MOSPD1: variants seen among roughly 807,000 people sequenced by gnomAD.
The protein encoded by MOSPD1 is motile sperm domain-containing protein 1.
A neutral mutation model predicts 16.7 loss-of-function variants in MOSPD1; 5 were observed. That is an observed-to-expected ratio of 0.30 (90% CI 0.16 to 0.63). The LOEUF is 0.63. Among genes scored for constraint, MOSPD1 ranks in the 30% least tolerant of loss-of-function variants. The pLI, the probability that MOSPD1 is intolerant of heterozygous loss-of-function variation, is 0.82. For synonymous variants in MOSPD1, 67 were observed against 59.2 expected, an observed-to-expected ratio of 1.13 and a Z score of -0.61; for missense variants, 104 against 153.6, an observed-to-expected ratio of 0.68 and a Z score of 1.71.
intron 1 of MOSPD1, among the ~76,000 whole-genome samples, chrX:134,912,936 C>CA (rs746535932): frequency 2.8e-3 from 183 of 65,491 alleles, no homozygotes; most frequent in Admixed American, 4.2e-3. Flanking sequence ...GACTCTGTCT[C>CA]AAAAAAAAAA....
At chrX:134,912,644 C>CA (rs199964723) in intron 1 of MOSPD1, among the ~76,000 whole-genome samples, 17,457 of 101,138 alleles carry the variant, frequency 0.17, 1,416 homozygotes, top group East Asian at 0.27. Context: ...TTCAGCTAAT[C>CA]AAAAAAAAAA....
chrX:134,895,483 T>C (rs1439314414), intron 4 of MOSPD1, among the ~76,000 whole-genome samples: 1 of 111,902 alleles, frequency 8.9e-6, no homozygotes, highest in East Asian at 2.8e-4. Flanking sequence ...CTCCTTATTA[T>C]TCTTGGTTAT....
intron 5 of MOSPD1, among the ~76,000 whole-genome samples, chrX:134,891,151 T>A (rs2082861258): frequency 9.0e-6 from 1 of 111,545 alleles, no homozygotes; most frequent in African/African-American, 3.3e-5. Flanking sequence ...TATCACTGTA[T>A]GTACTTTGTC....
intron 1 of MOSPD1, among the ~76,000 whole-genome samples, chrX:134,906,399 T>G (rs960506155): frequency 9.3e-6 from 1 of 107,895 alleles, no homozygotes; most frequent in South Asian, 4.2e-4. Flanking sequence ...CTGGCCAGGC[T>G]GGTCTTGAAC....
chrX:134,898,915 A>G, intron 3 of MOSPD1, 175 bp downstream of exon 3: 1 of 412,983 alleles, frequency 2.4e-6, no homozygotes, highest in Non-Finnish European at 4.3e-6. Flanking sequence ...AATATTATTA[A>G]GTATTTGGCC....
At chrX:134,913,143 G>T (rs1259265657) in intron 1 of MOSPD1, among the ~76,000 whole-genome samples, 1 of 110,839 alleles carries the variant, frequency 9.0e-6, no homozygotes, top group Non-Finnish European at 1.9e-5. Context: ...GGAGACCGAG[G>T]GGGGGCAGAT....
At chrX:134,904,775 T>C (rs1313851687) in intron 1 of MOSPD1, among the ~76,000 whole-genome samples, 1 of 107,218 alleles carries the variant, frequency 9.3e-6, no homozygotes, top group African/African-American at 3.4e-5. Context: ...GGCAGGAGAA[T>C]CACTTGAACC....
Position 134,891,639 on chromosome X carries a change from T to G in MOSPD1, c.450A>C (p.Glu150Asp). Residue 150 changes from glutamate to aspartate, a missense_variant and splice_region_variant, in exon 5 of 6, where the codon GAA (glutamate) becomes GAC (aspartate). This residue lies in a region of MOSPD1 where 68 missense variants were observed against 73.1 expected (regional missense o/e 0.93). Transcript: ENST00000370783. ...TAGGTCCTGAGGATACAGCTCTGTT[T>G]TCTGTAAAAAGACAAAAATCCCTAA... ...SLFFEQSFQP[E>D]NRAVSSGPSL... 8.3e-7 allele frequency: 1 copy of G among 1,203,996 alleles called. No homozygotes were observed. The highest frequency in any genetic ancestry group is 1.1e-6 in the Non-Finnish European group (1 of 893,561).
At chrX:134,908,316 AAC>A (rs980533032) in intron 1 of MOSPD1, among the ~76,000 whole-genome samples, 1 of 111,831 alleles carries the variant, frequency 8.9e-6, no homozygotes, top group African/African-American at 3.3e-5. Context: ...GTCATAGCTG[AAC>A]ACACTTTGTC....
chrX:134,898,118 A>T (rs1180948887), intron 3 of MOSPD1, among the ~76,000 whole-genome samples: 2 of 110,561 alleles, frequency 1.8e-5, no homozygotes, highest in African/African-American at 6.6e-5. Context: ...ACCTCAGGTG[A>T]TCCTCCCACC....
rs774805862 is a variant in MOSPD1 at position 134,888,488 on chromosome X, A to G, written c.*673T>C. The G allele has an allele frequency of 3.2e-4, 36 of 111,425 alleles. No homozygotes were observed. Among genetic ancestry groups the G allele is most frequent in the African/African-American group, 1.2e-3 (36 of 30,604 alleles). The allele number at this position is 111,425 out of a possible 1,213,427, so 9.2% of individuals were successfully genotyped here. ...CCTTCCTTTAGAACTCTTAGACCAAAGAGAGAGGTCACCCTACTTCTATTA... is the reference window on the plus strand; with the variant it reads ...CCTTCCTTTAGAACTCTTAGACCAAGGAGAGAGGTCACCCTACTTCTATTA... On this transcript the variant is annotated 3_prime_UTR_variant, in exon 6 of 6. Coordinates refer to ENST00000370783, the MANE Select transcript of MOSPD1 (RefSeq NM_019556.3).
At chrX:134,907,435 G>A (rs1336727327) in intron 1 of MOSPD1, among the ~76,000 whole-genome samples, 7 of 112,053 alleles carry the variant, frequency 6.2e-5, no homozygotes, top group African/African-American at 2.3e-4. Flanking sequence ...TTACTGAGTG[G>A]CACACACTAT....
At chrX:134,894,986 T>A (rs1247704127) in intron 4 of MOSPD1, among the ~76,000 whole-genome samples, 1 of 112,325 alleles carries the variant, frequency 8.9e-6, no homozygotes, top group Non-Finnish European at 1.9e-5. Context: ...GCATCACCTA[T>A]CCTCATTCAT....
At chrX:134,901,964 C>T (rs1282769682) in intron 1 of MOSPD1, among the ~76,000 whole-genome samples, 1 of 111,916 alleles carries the variant, frequency 8.9e-6, no homozygotes, top group Non-Finnish European at 1.9e-5. Context: ...AGATTATAAA[C>T]TTTTTAATAA....
intron 5 of MOSPD1, among the ~76,000 whole-genome samples, chrX:134,890,804 G>A (rs1485307641): frequency 1.8e-5 from 2 of 110,978 alleles, no homozygotes; most frequent in South Asian, 3.8e-4. Context: ...GCGAAATTCC[G>A]TCTCTAAATA....
At chrX:134,906,174 C>CTTTTTTTTATTTTT in intron 1 of MOSPD1, among the ~76,000 whole-genome samples, 1 of 56,658 alleles carries the variant, frequency 1.8e-5, no homozygotes. Context: ...CCATTTATCA[C>CTTTTTTTTATTTTT]TTTTTTTTTT....
At chrX:134,903,099 C>T (rs2082920725) in intron 1 of MOSPD1, among the ~76,000 whole-genome samples, 1 of 108,857 alleles carries the variant, frequency 9.2e-6, no homozygotes, top group African/African-American at 3.3e-5. Context: ...AAATTATATG[C>T]ACCATCTCAT....
intron 1 of MOSPD1, among the ~76,000 whole-genome samples, chrX:134,910,317 A>G (rs2082964514): frequency 9.0e-6 from 1 of 110,775 alleles, no homozygotes; most frequent in Non-Finnish European, 1.9e-5. Flanking sequence ...AGGCAAGAGA[A>G]TCACTTGAGC....
intron 3 of MOSPD1, among the ~76,000 whole-genome samples, chrX:134,897,567 A>G (rs1167431224): frequency 2.5e-4 from 19 of 74,730 alleles, no homozygotes; most frequent in African/African-American, 1.1e-3. Context: ...AAAAAAAAAA[A>G]AGAAAGAAAA....
Sources: gnomAD v4.1 joint callset for allele counts (sites outside exome capture counted in the v4.1 genomes callset) on GRCh38, gnomAD v4.1.1 for gene constraint, gnomAD v4.1.1 regional missense constraint, MANE v1.5 for transcripts, NCBI Gene and HGNC (gene_info 2026-07-23, HGNC 2026-07-21) for gene names.